KHSRP: variants seen among roughly 807,000 people sequenced by gnomAD.
The protein encoded by KHSRP is KH-type splicing regulatory protein, also known as far upstream element-binding protein 2.
A neutral mutation model predicts 94.9 loss-of-function variants in KHSRP; 13 were observed. That is an observed-to-expected ratio of 0.14 (90% CI 0.09 to 0.22). KHSRP has a LOEUF of 0.22. KHSRP is among the 10% of genes least tolerant of loss of function. The pLI, the probability that KHSRP is intolerant of heterozygous loss-of-function variation, is 1.00. For synonymous variants in KHSRP, 495 were observed against 401.4 expected (o/e 1.23, Z -2.79); for missense variants, 710 against 1,010.0 (o/e 0.70, Z 4.03).
In KHSRP at chr19:6,415,658, C is replaced by T. The variant is rs2092138916; in HGVS notation, c.1764G>A (p.Pro588=). 14 of 1,540,912 alleles carry T rather than the reference C, an allele frequency of 9.1e-6. No individual in the cohort carries two copies. Among genetic ancestry groups the T allele is most frequent in the South Asian group, 4.8e-5 (4 of 83,474 alleles). ...CCGGTGCGGGGCCGGGGACGGGGCC[C>T]GGGGGCTGCTGGTAGTAGTGTGAGT... ...AYYSHYYQQP[P]GPVPGPAPAP... is the part of the protein sequence containing the mutation. Residue 588 remains proline, a synonymous_variant, in exon 17 of 19, where the codon CCG becomes CCA. Coordinates refer to ENST00000600480, the MANE Select transcript of KHSRP (RefSeq NM_001366299.1).
intron 1 of KHSRP, among the ~76,000 whole-genome samples, chr19:6,423,003 G>C (rs1414738351): frequency 6.6e-6 from 1 of 152,172 alleles, no homozygotes; most frequent in South Asian, 2.1e-4. Flanking sequence ...TGGATGGCTG[G>C]GCACTGTGAC....
rs369495457 is a variant in KHSRP at position 6,416,665 on chromosome 19, A to G, written c.1328-15T>C. On this transcript the variant is annotated splice_polypyrimidine_tract_variant and intron_variant, in intron 13 of 18. Transcript: ENST00000600480. Reference sequence around the variant, plus strand: ...ATTCTCGCCACCTGCAGAAACGCAGAAGGTGAAGGTGGCCTGCAGTGATGG... The same window carrying G: ...ATTCTCGCCACCTGCAGAAACGCAGGAGGTGAAGGTGGCCTGCAGTGATGG... 6 of 1,613,640 alleles carry G rather than the reference A, an allele frequency of 3.7e-6. No homozygotes were observed. Among genetic ancestry groups the G allele is most frequent in the Non-Finnish European group, 5.1e-6 (6 of 1,179,774 alleles).
rs369650209 is a variant in KHSRP, at chr19:6,418,682, T to C, written c.780+20A>G. ...TGTGGCACACGGATGCAGAGGAAGCTGCCCAGGTGCTGCCCTCACCTGCAG... is the reference window on the plus strand; with the variant it reads ...TGTGGCACACGGATGCAGAGGAAGCCGCCCAGGTGCTGCCCTCACCTGCAG... On this transcript the variant is annotated intron_variant, in intron 8 of 18. Transcript: ENST00000600480. The surrounding 1 kb of genome is among the most constrained non-coding windows in gnomAD (Gnocchi z 4.3). 5.6e-6 allele frequency: 9 copies of C among 1,613,722 alleles called. No individual in the cohort carries two copies. Among genetic ancestry groups the C allele is most frequent in the Admixed American group, 1.7e-5 (1 of 59,978 alleles).
intron 15 of KHSRP, among the ~76,000 whole-genome samples, 196 bp from the exon 16 acceptor site, chr19:6,416,092 C>T (rs1367887740): frequency 6.6e-6 from 1 of 152,196 alleles, no homozygotes; most frequent in South Asian, 2.1e-4. Context: ...TGAAAGAAGC[C>T]GCGAAACTTG....
At chr19:6,419,706 G>GA (rs1266365873) in intron 6 of KHSRP, among the ~76,000 whole-genome samples, 1 of 152,200 alleles carries the variant, frequency 6.6e-6, no homozygotes, top group Non-Finnish European at 1.5e-5. Flanking sequence ...TCCTGGGCCT[G>GA]ACCTCAGAGT....
intron 1 of KHSRP, among the ~76,000 whole-genome samples, chr19:6,423,078 G>T (rs905179296): frequency 3.9e-5 from 6 of 152,112 alleles, no homozygotes; most frequent in African/African-American, 1.4e-4. Flanking sequence ...TCAGGAGTTC[G>T]AGACAGACTG....
chr19:6,413,144 A>AGG lies in KHSRP; in HGVS notation c.*1878_*1879dup, dbSNP rs551871526. ...GCACTTTATTTAACAAAAAAAAAAA[A>AGG]GGGGGGGGGGCACGGTTAGGAAAGC... On this transcript the variant is annotated 3_prime_UTR_variant, in exon 19 of 19. Transcript: ENST00000600480. 0.012 allele frequency among the ~76,000 whole-genome samples: 1,365 copies of AGG among 117,158 alleles called. 24 individuals carry two copies. Among genetic ancestry groups the AGG allele is most frequent in the Non-Finnish European group, 0.017 (1,022 of 59,702 alleles). 76.9% of individuals were successfully genotyped at this position (117,158 alleles called of 152,430 possible). A position where few individuals can be genotyped will look rare whatever the true frequency, so the allele number is the denominator to read the frequency against.
At position 6,418,600 on chromosome 19, in the gene KHSRP, C is replaced by A. The variant is rs368636864; in HGVS notation, c.781-19G>T. 1 of 1,613,422 alleles carries A rather than the reference C, an allele frequency of 6.2e-7. No homozygotes were observed. The highest frequency in any genetic ancestry group is 8.5e-7 in the Non-Finnish European group (1 of 1,179,336). ...CGCGTTCCTTTACAAGCAAGGTTAA[C>A]CGTTAGTGCTGGGCTCTCCCAGGAC... On this transcript the variant is annotated intron_variant, in intron 8 of 18. Coordinates refer to ENST00000600480, the MANE Select transcript of KHSRP (RefSeq NM_001366299.1). This position sits in a 1 kb window ranked among gnomAD's most constrained non-coding sequence, Gnocchi z 4.3.
In KHSRP at chr19:6,418,386, A is replaced by G. The variant is rs549363971; in HGVS notation, c.879+97T>C. The G allele has an allele frequency of 2.4e-5, 21 of 870,840 alleles. No individual in the cohort carries two copies. Among genetic ancestry groups the G allele is most frequent in the Admixed American group, 1.3e-4 (6 of 47,548 alleles). 53.9% of individuals were successfully genotyped at this position (870,840 alleles called of 1,614,324 possible). On this transcript the variant is annotated intron_variant, in intron 9 of 18. Transcript: ENST00000600480. This position sits in a 1 kb window ranked among gnomAD's most constrained non-coding sequence, Gnocchi z 4.3. ...CTTGGTGTTATGACCGACTGTTCAC[A>G]TATCTCTCTGGCGGAATGCAGACCC... is the stretch of plus-strand genomic sequence containing the variant.
In KHSRP at chr19:6,418,242, A is replaced by G. The variant is rs2092167639; in HGVS notation, c.880-163T>C. Among the ~76,000 whole-genome samples the G allele has an allele frequency of 6.6e-6, 1 of 152,084 alleles. No homozygotes were observed. ...CCTGCCACTTTAATGGGGAGGCACT[A>G]CCAGCAGCCCCGTTTCCAGATAAAA... On this transcript the variant is annotated intron_variant, in intron 9 of 18. Transcript: ENST00000600480. This position sits in a 1 kb window ranked among gnomAD's most constrained non-coding sequence, Gnocchi z 4.3.
rs992521321 is a variant in KHSRP at position 6,415,495 on chromosome 19, C to T, written c.1889-38G>A. ...CGAGACAGGTCAGAAACCACTCCCC[C>T]GGCAGGGCTGGAGCCCCCCCGCCAC... On this transcript the variant is annotated intron_variant, in intron 17 of 18. Coordinates refer to ENST00000600480, the MANE Select transcript of KHSRP (RefSeq NM_001366299.1). 46 of 1,549,452 alleles carry T rather than the reference C, an allele frequency of 3.0e-5. 2 individuals carry two copies. Among genetic ancestry groups the T allele is most frequent in the South Asian group, 2.5e-4 (21 of 83,940 alleles).
At chr19:6,419,300 C>T in intron 6 of KHSRP, 40 bp from the exon 7 acceptor site, 1 of 1,529,728 alleles carries the variant, frequency 6.5e-7, no homozygotes, top group Non-Finnish European at 8.8e-7. Flanking sequence ...CCCTGGCCCA[C>T]AGGCAGAGAA....
intron 1 of KHSRP, 48 bp downstream of exon 1, chr19:6,424,405 G>C: frequency 1.1e-4 from 84 of 743,266 alleles, no homozygotes; most frequent in East Asian, 1.4e-4. Flanking sequence ...CCCCTCCCCC[G>C]CCTGCGCGCG....
rs1487799523 is a variant in KHSRP at position 6,415,266 on chromosome 19, G to A, written c.2002C>T (p.Pro668Ser). 8 of 1,612,946 alleles carry A rather than the reference G, an allele frequency of 5.0e-6. No individual in the cohort carries two copies. The highest frequency in any genetic ancestry group is 1.7e-4 in the Middle Eastern group (1 of 6,060). Residue 668 changes from proline (P) to serine (S), a missense_variant, in exon 19 of 19, where the codon CCA (proline) becomes TCA (serine). Around this residue, in one of 5 missense-constraint regions of KHSRP, gnomAD observed 292 missense variants for 340.5 expected, o/e 0.86. Coordinates refer to ENST00000600480, the MANE Select transcript of KHSRP (RefSeq NM_001366299.1). ...VATGGGPGAPPGSQPDYSAAW... is the reference protein window; with the variant it reads ...VATGGGPGAPSGSQPDYSAAW... The stretch of plus-strand genomic sequence containing the variant: ...GCACTGTAGTCTGGCTGGGAGCCTG[G>A]GGGAGCTCCTGGACCCCCTCCGGTG...
intron 10 of KHSRP, 25 bp downstream of exon 10, chr19:6,417,956 G>C (rs780120880): frequency 4.8e-5 from 77 of 1,609,808 alleles, no homozygotes; most frequent in Non-Finnish European, 1.7e-6. Context: ...GGGGAGAGGG[G>C]GGTGAAGGCA....
chr19:6,421,831 C>A (rs1005077658), intron 2 of KHSRP, 143 bp from the exon 3 acceptor site: 4 of 938,620 alleles, frequency 4.3e-6, no homozygotes, highest in African/African-American at 3.3e-5. Flanking sequence ...CCAGGAGAGA[C>A]TGGCCCCTGA....
At chr19:6,415,925 G>A (rs1222173459) in intron 15 of KHSRP, 29 bp from the exon 16 acceptor site, 29 of 1,404,602 alleles carry the variant, frequency 2.1e-5, no homozygotes, top group Non-Finnish European at 2.6e-5. Context: ...GGATGCTTGA[G>A]CAGTGGTGCG....
At position 6,418,649 on chromosome 19, in the gene KHSRP, C is replaced by G; in HGVS notation, c.780+53G>C. ...ACTTCCTGGGCTGCTGTGGTGGTGG[C>G]GGTGGGGTGTGGCACACGGATGCAG... is the stretch of plus-strand genomic sequence containing the variant. On this transcript the variant is annotated intron_variant, in intron 8 of 18. Coordinates refer to ENST00000600480, the MANE Select transcript of KHSRP (RefSeq NM_001366299.1). This position sits in a 1 kb window ranked among gnomAD's most constrained non-coding sequence, Gnocchi z 4.3. 1 of 1,612,816 alleles carries G rather than the reference C, an allele frequency of 6.2e-7. No individual in the cohort carries two copies. The highest frequency in any genetic ancestry group is 8.5e-7 in the Non-Finnish European group (1 of 1,178,934).
chr19:6,424,794 A>C lies in KHSRP; in HGVS notation c.-93T>G. ...ACGCGGGAACAAGGCCTCGCTCCAC[A>C]CGGCCGCGGAGCACTCTGGGAACCC... On this transcript the variant is annotated 5_prime_UTR_variant, in exon 1 of 19. Coordinates refer to ENST00000600480, the MANE Select transcript of KHSRP (RefSeq NM_001366299.1). 4 of 361,056 alleles carry C rather than the reference A, an allele frequency of 1.1e-5. No homozygotes were observed. Among genetic ancestry groups the C allele is most frequent in the Non-Finnish European group, 1.5e-5 (4 of 258,090 alleles). The allele number at this position is 361,056 out of a possible 1,614,324, so 22.4% of individuals were successfully genotyped here. A position where few individuals can be genotyped will look rare whatever the true frequency, so the allele number is the denominator to read the frequency against.
Sources: allele counts gnomAD v4.1 joint callset (sites outside exome capture counted in the v4.1 genomes callset), GRCh38; gene constraint gnomAD v4.1.1; regional missense constraint gnomAD v4.1.1; non-coding constraint Gnocchi (gnomAD v3.1); transcripts MANE v1.5; gene names NCBI Gene and HGNC (gene_info 2026-07-23, HGNC 2026-07-21).